The following TAF3 variants were observed in gnomAD, a reference collection of about 807,000 sequenced individuals.
TAF3 encodes the protein TATA-box binding protein associated factor 3.
TAF3 carries 7 observed loss-of-function variants against 80.6 expected under a neutral mutation model. That is an observed-to-expected ratio of 0.09 (90% CI 0.05 to 0.16). The LOEUF is 0.16. Ranked by LOEUF, TAF3 falls within the 10% of genes least tolerant of loss-of-function variation. The probability of loss-of-function intolerance (pLI) is 1.00; values close to 1 mark genes in which losing one functional copy is unlikely to be tolerated. For synonymous variants in TAF3, 444 were observed against 446.1 expected (o/e 1.00, Z 0.06); for missense variants, 921 against 1,140.2 (o/e 0.81, Z 2.77).
At chr10:7,914,427 G>A (rs1054157872) in intron 2 of TAF3, among the ~76,000 whole-genome samples, 2 of 152,064 alleles carry the variant, frequency 1.3e-5, no homozygotes, top group African/African-American at 4.8e-5. Context: ...ATAATCTGTC[G>A]GTAAGAGTAT....
chr10:7,895,947 C>T (rs139339275), intron 2 of TAF3, among the ~76,000 whole-genome samples: 56 of 151,984 alleles, frequency 3.7e-4, no homozygotes, highest in Non-Finnish European at 6.6e-4. Context: ...GCTGACCATG[C>T]GGGGGTGGAA....
intron 2 of TAF3, among the ~76,000 whole-genome samples, chr10:7,909,794 G>A (rs1267150714): frequency 6.6e-6 from 1 of 152,152 alleles, no homozygotes; most frequent in Non-Finnish European, 1.5e-5. Flanking sequence ...AACAGAGCCA[G>A]GAGTTGAGCC....
intron 2 of TAF3, among the ~76,000 whole-genome samples, chr10:7,876,738 G>A (rs74554559): frequency 0.05 from 7,544 of 152,216 alleles, 288 homozygotes; most frequent in Admixed American, 0.11. Flanking sequence ...TTGGAGCATA[G>A]CCAAAGTCAT....
chr10:7,936,954 G>T (rs1837927166), intron 2 of TAF3, among the ~76,000 whole-genome samples: 1 of 151,928 alleles, frequency 6.6e-6, no homozygotes, highest in Non-Finnish European at 1.5e-5. Flanking sequence ...GGCCTTCTCA[G>T]TTTGACTTCT....
At chr10:7,955,012 A>G (rs549797806) in intron 2 of TAF3, among the ~76,000 whole-genome samples, 1 of 152,158 alleles carries the variant, frequency 6.6e-6, no homozygotes, top group Admixed American at 6.5e-5. Context: ...GAATGAATGA[A>G]TTAGTCCCAG....
rs1183284116 is a variant in TAF3, at chr10:8,009,316, G to A, written c.2554G>A (p.Val852Ile). 1 of 1,591,854 alleles carries A rather than the reference G, an allele frequency of 6.3e-7. No individual in the cohort carries two copies. The highest frequency in any genetic ancestry group is 8.5e-7 in the Non-Finnish European group (1 of 1,170,488). ...CGTGCGCAGCGTGGTGACTGAGACGGTCAGCACCTACGTGGTGCGTACCTG... is the reference window on the plus strand; with the variant it reads ...CGTGCGCAGCGTGGTGACTGAGACGATCAGCACCTACGTGGTGCGTACCTG... ...APVRSVVTET[V>I]STYVIRDEWG... Residue 852 changes from valine to isoleucine, a missense_variant, in exon 5 of 7, where the codon GTC (valine) becomes ATC (isoleucine). Coordinates refer to ENST00000344293, the MANE Select transcript of TAF3 (RefSeq NM_031923.4). The surrounding 1 kb of genome is among the most constrained non-coding windows in gnomAD (Gnocchi z 4.1).
chr10:7,873,623 C>A (rs548220777), intron 2 of TAF3, among the ~76,000 whole-genome samples: 20 of 96,538 alleles, frequency 2.1e-4, no homozygotes, highest in Admixed American at 5.4e-4. Flanking sequence ...GTTCTCCCCC[C>A]CCCCCCGTCA....
intron 5 of TAF3, among the ~76,000 whole-genome samples, chr10:8,012,869 A>G (rs753822140): frequency 1.2e-4 from 19 of 152,256 alleles, no homozygotes; most frequent in Non-Finnish European, 2.5e-4. Context: ...CTTACAAAAT[A>G]AACCGGATGC....
At chr10:7,862,393 A>T (rs1837156901) in intron 2 of TAF3, among the ~76,000 whole-genome samples, 1 of 152,176 alleles carries the variant, frequency 6.6e-6, no homozygotes, top group Non-Finnish European at 1.5e-5. Flanking sequence ...AAGTTACCTT[A>T]GTTCAACTCA....
In TAF3 at chr10:7,818,639, C is replaced by G; in HGVS notation, c.-71C>G. The G allele has an allele frequency of 6.6e-7, 1 of 1,515,384 alleles. No homozygotes were observed. Among genetic ancestry groups the G allele is most frequent in the South Asian group, 1.2e-5 (1 of 81,532 alleles). The allele number at this position is 1,515,384 out of a possible 1,614,324, so 93.9% of individuals were successfully genotyped here. ...GAAGCCCTAGAGGATGAATCGGGGA[C>G]CCTGCTAAGGTCTGGCGGCGGGGCT... is the stretch of plus-strand genomic sequence containing the variant. On this transcript the variant is annotated 5_prime_UTR_variant, in exon 1 of 7. Coordinates refer to ENST00000344293, the MANE Select transcript of TAF3 (RefSeq NM_031923.4).
chr10:7,937,231 G>A (rs1399990037), intron 2 of TAF3, among the ~76,000 whole-genome samples: 1 of 152,196 alleles, frequency 6.6e-6, no homozygotes, highest in Non-Finnish European at 1.5e-5. Context: ...TATGGTAAGA[G>A]TATGTTTAGT....
At chr10:7,872,623 G>A (rs529823616) in intron 2 of TAF3, among the ~76,000 whole-genome samples, 1 of 152,130 alleles carries the variant, frequency 6.6e-6, no homozygotes, top group Non-Finnish European at 1.5e-5. Context: ...GCTTTCAGGT[G>A]CCCTGAATAA....
intron 2 of TAF3, among the ~76,000 whole-genome samples, chr10:7,963,113 C>T (rs1831526821): frequency 6.6e-6 from 1 of 152,134 alleles, no homozygotes. Context: ...ACCATACTCC[C>T]TCTCCAAGTG....
At chr10:7,915,678 G>A (rs1837705201) in intron 2 of TAF3, among the ~76,000 whole-genome samples, 1 of 148,204 alleles carries the variant, frequency 6.7e-6, no homozygotes, top group African/African-American at 2.5e-5. Context: ...TGGCACCCTA[G>A]GTTTATAATA....
intron 2 of TAF3, among the ~76,000 whole-genome samples, chr10:7,946,198 C>T (rs189823687): frequency 1.3e-5 from 2 of 152,192 alleles, no homozygotes; most frequent in Non-Finnish European, 2.9e-5. Flanking sequence ...AAAATTCACA[C>T]TCTTTCCCAT....
intron 3 of TAF3, among the ~76,000 whole-genome samples, chr10:7,968,835 C>A (rs1831596856): frequency 6.6e-6 from 1 of 152,162 alleles, no homozygotes; most frequent in Non-Finnish European, 1.5e-5. Flanking sequence ...TAAGTGAAAT[C>A]ACTTGGTTGG....
At chr10:7,871,435 C>CTTTTTGTTTTTTTTTTTTTTTTTTT (rs1837263999) in intron 2 of TAF3, among the ~76,000 whole-genome samples, 1 of 69,116 alleles carries the variant, frequency 1.4e-5, no homozygotes, top group Non-Finnish European at 2.9e-5. Context: ...ATAACTGCTG[C>CTTTTTGTTTTTTTTTTTTTTTTTTT]TTTTTTTTTT....
chr10:7,928,984 G>A (rs1213970088), intron 2 of TAF3, among the ~76,000 whole-genome samples: 1 of 152,138 alleles, frequency 6.6e-6, no homozygotes, highest in East Asian at 1.9e-4. Flanking sequence ...TAGAACTGGA[G>A]TCTTGAAGAG....
chr10:7,886,226 GC>G (rs1477944276), intron 2 of TAF3, among the ~76,000 whole-genome samples: 1 of 152,100 alleles, frequency 6.6e-6, no homozygotes, highest in Non-Finnish European at 1.5e-5. Flanking sequence ...ACCACACCTG[GC>G]CCTGTTGACA....
Sources: allele counts gnomAD v4.1 joint callset (sites outside exome capture counted in the v4.1 genomes callset), GRCh38; gene constraint gnomAD v4.1.1; non-coding constraint Gnocchi (gnomAD v3.1); transcripts MANE v1.5; gene names NCBI Gene and HGNC (gene_info 2026-07-23, HGNC 2026-07-21).